EHBP1: variants seen among roughly 807,000 people sequenced by gnomAD.
EHBP1 encodes EH domain binding protein 1.
A neutral mutation model predicts 144.0 loss-of-function variants in EHBP1; 55 were observed. That is an observed-to-expected ratio of 0.38 (90% CI 0.31 to 0.48). The LOEUF (loss-of-function observed/expected upper bound fraction) is 0.48. EHBP1 is among the 20% of genes least tolerant of loss of function. The pLI is 0.98. For missense variants in EHBP1, 1,200 were observed against 1,364.2 expected, an observed-to-expected ratio of 0.88 and a Z score of 1.90; for synonymous variants, 469 against 472.7, an observed-to-expected ratio of 0.99 and a Z score of 0.10.
chr2:62,917,915 T>C (rs971012943), intron 10 of EHBP1, among the ~76,000 whole-genome samples: 1 of 151,804 alleles, frequency 6.6e-6, no homozygotes, highest in Admixed American at 6.6e-5. Flanking sequence ...TTTTTTTTTT[T>C]AGATGTTATC....
intron 21 of EHBP1, among the ~76,000 whole-genome samples, chr2:63,040,652 A>T (rs193062998): frequency 1.3e-5 from 2 of 152,292 alleles, no homozygotes; most frequent in Admixed American, 1.3e-4. Flanking sequence ...TATATATATG[A>T]CTGTGCCTTA....
intron 10 of EHBP1, among the ~76,000 whole-genome samples, chr2:62,890,684 A>G (rs781272381): frequency 6.6e-6 from 1 of 152,226 alleles, no homozygotes; most frequent in Non-Finnish European, 1.5e-5. Context: ...TCGTCTGCAT[A>G]CAGGGATAGT....
intron 7 of EHBP1, among the ~76,000 whole-genome samples, chr2:62,841,661 A>T (rs1249762262): frequency 6.6e-6 from 1 of 152,024 alleles, no homozygotes. Flanking sequence ...TGACATTTGC[A>T]TTTTATTTTA....
rs551950779 is a variant in EHBP1 at position 62,678,947 on chromosome 2, T to G, written c.-296+4864T>G. Among the ~76,000 whole-genome samples the G allele has an allele frequency of 2.0e-5, 3 of 152,298 alleles. No homozygotes were observed. In the South Asian group the frequency reaches 6.2e-4, roughly 32 times the overall value. ...ATGTTAATTTTAATTTATTTTGTTT[T>G]ATTTTTAACTACTCTTACTATCATT... On this transcript the variant is annotated intron_variant, in intron 1 of 22. Coordinates refer to the EHBP1 transcript ENST00000405015.
intron 1 of EHBP1, among the ~76,000 whole-genome samples, chr2:62,681,359 T>TATATATATATATATATAA (rs1553363754): frequency 3.8e-5 from 3 of 78,356 alleles, no homozygotes; most frequent in African/African-American, 1.1e-4. Context: ...TATATATATA[T>TATATATATATATATATAA]AATGTGTATA....
chr2:62,681,340 G>GTGTGTATATATATATATATATATATA (rs1171760462), intron 1 of EHBP1, among the ~76,000 whole-genome samples: 12 of 58,554 alleles, frequency 2.0e-4, no homozygotes, highest in African/African-American at 7.8e-4. Context: ...ATGTGTGTGT[G>GTGTGTATATATATATATATATATATA]TATATATATA....
At chr2:62,874,228 A>G (rs1203672586) in intron 9 of EHBP1, 118 bp from the exon 10 acceptor site, 1 of 661,380 alleles carries the variant, frequency 1.5e-6, no homozygotes, top group African/African-American at 1.8e-5. Flanking sequence ...CCAGGTTATC[A>G]CTGGTTTGGG....
chr2:62,734,714 G>C (rs114160059), intron 2 of EHBP1, among the ~76,000 whole-genome samples: 1 of 152,100 alleles, frequency 6.6e-6, no homozygotes, highest in African/African-American at 2.4e-5. Flanking sequence ...TTTGTTCTTT[G>C]TACCTTTTTT....
chr2:62,897,974 G>C (rs2053079007), intron 10 of EHBP1, among the ~76,000 whole-genome samples: 1 of 152,124 alleles, frequency 6.6e-6, no homozygotes, highest in South Asian at 2.1e-4. Context: ...GAATTTTACA[G>C]AGTGAAAAAT....
intron 5 of EHBP1, among the ~76,000 whole-genome samples, chr2:62,822,249 G>A (rs1486114016): frequency 6.6e-6 from 1 of 152,106 alleles, no homozygotes. Context: ...CCTGTTGCTT[G>A]CATTGTTACT....
intron 5 of EHBP1, among the ~76,000 whole-genome samples, chr2:62,804,446 T>A (rs990655102): frequency 6.6e-6 from 1 of 152,086 alleles, no homozygotes. Context: ...TATAAGTGGA[T>A]GAGAAAGTTT....
At chr2:62,783,432 TTCCCCATGAGGGC>T (rs1393553835) in intron 5 of EHBP1, among the ~76,000 whole-genome samples, 1 of 152,214 alleles carries the variant, frequency 6.6e-6, no homozygotes, top group Non-Finnish European at 1.5e-5. Context: ...CTAGCAGAGT[TTCCCCATGAGGGC>T]TCTGCCCCTG....
At chr2:62,767,167 C>A (rs1174672108) in intron 4 of EHBP1, among the ~76,000 whole-genome samples, 1 of 151,948 alleles carries the variant, frequency 6.6e-6, no homozygotes, top group African/African-American at 2.4e-5. Flanking sequence ...CTGAAGAAAA[C>A]GTTGCCGCTA....
At chr2:62,987,073 G>C (rs1251758250) in intron 15 of EHBP1, among the ~76,000 whole-genome samples, 1 of 152,140 alleles carries the variant, frequency 6.6e-6, no homozygotes, top group African/African-American at 2.4e-5. Context: ...TTGCCTGTCT[G>C]TTGGATAGAA....
At chr2:62,685,711 G>C (rs1477331716) in intron 1 of EHBP1, among the ~76,000 whole-genome samples, 1 of 152,132 alleles carries the variant, frequency 6.6e-6, no homozygotes, top group Non-Finnish European at 1.5e-5. Flanking sequence ...ATAGTCCAGA[G>C]CTTATAAGCG....
chr2:63,005,447 A>T (rs573991034), intron 19 of EHBP1, among the ~76,000 whole-genome samples: 4 of 152,082 alleles, frequency 2.6e-5, no homozygotes, highest in Non-Finnish European at 5.9e-5. Flanking sequence ...AAGCTGTTCT[A>T]GAGTTCTCTC....
chr2:62,807,300 C>T (rs2152515805), intron 5 of EHBP1, among the ~76,000 whole-genome samples: 1 of 152,340 alleles, frequency 6.6e-6, no homozygotes, highest in African/African-American at 2.4e-5. Context: ...GTAATCCCAG[C>T]ATTCTGGGAG....
chr2:62,992,289 CTG>C (rs2059445422), intron 16 of EHBP1, among the ~76,000 whole-genome samples: 1 of 152,004 alleles, frequency 6.6e-6, no homozygotes, highest in South Asian at 2.1e-4. Context: ...AAAGCCAAAA[CTG>C]TTGCTATCAT....
intron 10 of EHBP1, among the ~76,000 whole-genome samples, chr2:62,879,471 A>C (rs996131122): frequency 2.6e-5 from 4 of 151,928 alleles, no homozygotes; most frequent in Admixed American, 2.6e-4. Flanking sequence ...AAAATCCATA[A>C]CATTTCTATA....
Sources: allele counts gnomAD v4.1 joint callset (sites outside exome capture counted in the v4.1 genomes callset), GRCh38; gene constraint gnomAD v4.1.1; transcripts MANE v1.5; gene names NCBI Gene and HGNC (gene_info 2026-07-23, HGNC 2026-07-21).